Variants in FGF10 observed in about 807,000 individuals in gnomAD.
FGF10 encodes fibroblast growth factor 10, also known as FGF-10.
Under a neutral mutation model 19.8 loss-of-function variants are expected in FGF10, and 2 were observed. The ratio of observed to expected loss-of-function variants is 0.10; its 90% CI spans 0.04 to 0.32. The LOEUF (loss-of-function observed/expected upper bound fraction) is 0.32, where lower values mean the gene tolerates loss of function less well. Ranked by LOEUF, FGF10 falls within the 10% of genes least tolerant of loss-of-function variation. FGF10 has a pLI of 1.00. For synonymous variants in FGF10, 112 were observed against 94.0 expected (o/e 1.19, Z -1.10); for missense variants, 191 against 246.3 (o/e 0.78, Z 1.50).
chr5:44,354,694 T>C (rs1741308147), intron 1 of FGF10, among the ~76,000 whole-genome samples: 1 of 151,498 alleles, frequency 6.6e-6, no homozygotes, highest in South Asian at 2.1e-4. Flanking sequence ...AGTCATGTGT[T>C]GGAATTTGCT....
chr5:44,322,773 C>T (rs1740527876), intron 1 of FGF10, among the ~76,000 whole-genome samples: 1 of 151,544 alleles, frequency 6.6e-6, no homozygotes, highest in Admixed American at 6.6e-5. Context: ...GTAGATGGGA[C>T]TATCTAGTTG....
chr5:44,336,954 A>G (rs377515361), intron 1 of FGF10, among the ~76,000 whole-genome samples: 17 of 152,138 alleles, frequency 1.1e-4, no homozygotes, highest in Admixed American at 1.1e-3. Flanking sequence ...ACCTGAAAAT[A>G]ACCAAAGATG....
At chr5:44,361,302 T>A (rs1306582560) in intron 1 of FGF10, among the ~76,000 whole-genome samples, 3 of 151,644 alleles carry the variant, frequency 2.0e-5, no homozygotes, top group Non-Finnish European at 3.0e-5. Context: ...GCTGGAGAAA[T>A]AACAGCTGAG....
intron 1 of FGF10, among the ~76,000 whole-genome samples, chr5:44,370,110 A>T (rs571080509): frequency 6.6e-6 from 1 of 152,146 alleles, no homozygotes; most frequent in Non-Finnish European, 1.5e-5. Context: ...CATTCTGAGC[A>T]TGTGGTCCAT....
chr5:44,300,748 G>A lies in FGF10; in HGVS notation c.*4247C>T, dbSNP rs1317918281. Among the ~76,000 whole-genome samples, 4 of 151,774 alleles carry A rather than the reference G, an allele frequency of 2.6e-5. No homozygotes were observed. Among genetic ancestry groups the A allele is most frequent in the South Asian group, 2.1e-4 (1 of 4,788 alleles). ...TGGTGTACTCTTCTTCACTAGTTGC[G>A]GTTGTGTGGGCTGCCAAAATCTTCA... is the stretch of plus-strand genomic sequence containing the variant. On this transcript the variant is annotated 3_prime_UTR_variant, in exon 3 of 3. Transcript: ENST00000264664.
At chr5:44,385,168 T>C (rs1177414262) in intron 1 of FGF10, among the ~76,000 whole-genome samples, 1 of 152,168 alleles carries the variant, frequency 6.6e-6, no homozygotes, top group Non-Finnish European at 1.5e-5. Context: ...ATTCAAGCTT[T>C]CTCAGACTTC....
At chr5:44,339,590 C>G (rs1365736926) in intron 1 of FGF10, among the ~76,000 whole-genome samples, 5 of 152,162 alleles carry the variant, frequency 3.3e-5, no homozygotes, top group African/African-American at 1.2e-4. Flanking sequence ...ATTTGTGAAA[C>G]AGTAACCTAT....
intron 1 of FGF10, among the ~76,000 whole-genome samples, chr5:44,342,604 A>T (rs1740995348): frequency 6.6e-6 from 1 of 152,080 alleles, no homozygotes; most frequent in South Asian, 2.1e-4. Context: ...AACCACAGGC[A>T]GGAGGAAGAC....
chr5:44,312,921 C>T (rs16873957), intron 1 of FGF10, among the ~76,000 whole-genome samples: 1,649 of 152,026 alleles, frequency 0.011, 31 homozygotes, highest in African/African-American at 0.037. Flanking sequence ...ATTTTTGACC[C>T]GTTATTTCTG....
intron 1 of FGF10, among the ~76,000 whole-genome samples, chr5:44,385,926 G>A (rs565017259): frequency 1.1e-4 from 16 of 152,200 alleles, no homozygotes; most frequent in Admixed American, 2.0e-4. Flanking sequence ...TTCTTGGAAA[G>A]CCTAAATTAT....
intron 1 of FGF10, among the ~76,000 whole-genome samples, chr5:44,376,482 A>G (rs1344279370): frequency 7.1e-6 from 1 of 140,784 alleles, no homozygotes; most frequent in Non-Finnish European, 1.5e-5. Context: ...AAGTTAGAAT[A>G]CAAATGCCAA....
chr5:44,346,460 T>G (rs1334064349), intron 1 of FGF10, among the ~76,000 whole-genome samples: 1 of 151,844 alleles, frequency 6.6e-6, no homozygotes, highest in Non-Finnish European at 1.5e-5. Flanking sequence ...TTAGAATAAA[T>G]GTCAGATTTT....
chr5:44,381,212 T>C (rs891319746), intron 1 of FGF10, among the ~76,000 whole-genome samples: 2 of 152,062 alleles, frequency 1.3e-5, no homozygotes, highest in Admixed American at 6.5e-5. Context: ...TTAAAAGAAA[T>C]TGACCTGGAA....
intron 1 of FGF10, among the ~76,000 whole-genome samples, chr5:44,350,122 A>G (rs1741199107): frequency 6.6e-6 from 1 of 151,248 alleles, no homozygotes; most frequent in South Asian, 2.1e-4. Flanking sequence ...AAGAATATCA[A>G]ACAGGATTAT....
intron 1 of FGF10, among the ~76,000 whole-genome samples, chr5:44,322,336 G>T (rs528115821): frequency 9.2e-5 from 14 of 152,302 alleles, no homozygotes; most frequent in Admixed American, 6.5e-4. Context: ...AATTATGGGG[G>T]TGATGAGTGA....
At chr5:44,325,983 A>G (rs934135627) in intron 1 of FGF10, among the ~76,000 whole-genome samples, 7 of 152,218 alleles carry the variant, frequency 4.6e-5, no homozygotes, top group South Asian at 2.1e-4. Flanking sequence ...CTATTATTCA[A>G]TAGGTATGTA....
intron 1 of FGF10, among the ~76,000 whole-genome samples, chr5:44,385,036 T>C (rs1457496661): frequency 3.3e-5 from 5 of 152,160 alleles, no homozygotes; most frequent in African/African-American, 9.6e-5. Context: ...TTCTAAGAGG[T>C]CAGAACTAAA....
chr5:44,334,216 A>C (rs1394920911), intron 1 of FGF10, among the ~76,000 whole-genome samples: 1 of 152,062 alleles, frequency 6.6e-6, no homozygotes, highest in Non-Finnish European at 1.5e-5. Flanking sequence ...ATAGTGCCCT[A>C]TCCTTATGTC....
intron 1 of FGF10, among the ~76,000 whole-genome samples, chr5:44,345,551 C>G (rs1741071890): frequency 6.6e-6 from 1 of 150,880 alleles, no homozygotes. Flanking sequence ...CTCAAAATTT[C>G]TCTCCTTTTT....
Sources: gnomAD v4.1 joint callset for allele counts (sites outside exome capture counted in the v4.1 genomes callset) on GRCh38, gnomAD v4.1.1 for gene constraint, MANE v1.5 for transcripts, NCBI Gene and HGNC (gene_info 2026-07-23, HGNC 2026-07-21) for gene names.